PIBF1: variants seen among roughly 807,000 people sequenced by gnomAD.
The protein encoded by PIBF1 is progesterone immunomodulatory binding factor 1, also known as progesterone-induced-blocking factor 1.
A neutral mutation model predicts 112.5 loss-of-function variants in PIBF1; 90 were observed. The observed-to-expected ratio is 0.80, with a 90% CI of 0.67 to 0.95. PIBF1 has a LOEUF of 0.95. Among genes scored for constraint, PIBF1 ranks in the 40% least tolerant of loss-of-function variants. The probability of loss-of-function intolerance (pLI) is 0.00; values close to 1 mark genes in which losing one functional copy is unlikely to be tolerated. For missense variants in PIBF1, 915 were observed against 852.3 expected (o/e 1.07, Z -0.92); for synonymous variants, 301 against 288.6 (o/e 1.04, Z -0.44).
chr13:72,839,784 A>AG, intron 9 of PIBF1, among the ~76,000 whole-genome samples: 1 of 152,252 alleles, frequency 6.6e-6, no homozygotes, highest in East Asian at 1.9e-4. Flanking sequence ...TGTGGTTGGT[A>AG]GGGGTAGGTT....
chr13:72,787,208 A>G (rs2034647372), intron 2 of PIBF1, among the ~76,000 whole-genome samples: 1 of 152,232 alleles, frequency 6.6e-6, no homozygotes, highest in Admixed American at 6.5e-5. Flanking sequence ...TTGTTTATGT[A>G]TAAATTGGTA....
intron 11 of PIBF1, among the ~76,000 whole-genome samples, chr13:72,902,842 G>A (rs1483826382): frequency 3.9e-5 from 6 of 151,932 alleles, no homozygotes; most frequent in Non-Finnish European, 7.4e-5. Context: ...CTTGACTATG[G>A]TTTACATGTT....
chr13:72,990,551 T>C (rs771799483), intron 16 of PIBF1, among the ~76,000 whole-genome samples: 2 of 139,450 alleles, frequency 1.4e-5, no homozygotes, highest in South Asian at 4.6e-4. Flanking sequence ...AAAAAACCTT[T>C]TAAATGAAGT....
At chr13:72,927,149 A>G (rs1487058447) in intron 13 of PIBF1, among the ~76,000 whole-genome samples, 2 of 151,800 alleles carry the variant, frequency 1.3e-5, no homozygotes, top group Non-Finnish European at 1.5e-5. Flanking sequence ...GCTTACTGCA[A>G]CCTCTGCCTC....
intron 10 of PIBF1, among the ~76,000 whole-genome samples, chr13:72,877,264 A>C (rs908204820): frequency 1.3e-5 from 2 of 152,174 alleles, no homozygotes; most frequent in African/African-American, 4.8e-5. Context: ...CTTTTTATGC[A>C]TGAATGGTTT....
At chr13:72,954,662 AGT>A (rs2042391194) in intron 14 of PIBF1, among the ~76,000 whole-genome samples, 1 of 152,102 alleles carries the variant, frequency 6.6e-6, no homozygotes, top group Non-Finnish European at 1.5e-5. Context: ...TTGCTGTGGG[AGT>A]GTGTGTTCTG....
At chr13:72,822,103 T>G in intron 6 of PIBF1, 121 bp downstream of exon 6, 1 of 836,374 alleles carries the variant, frequency 1.2e-6, no homozygotes, top group Non-Finnish European at 1.8e-6. Context: ...TTTGCACAAA[T>G]GCATGCAGTT....
chr13:72,826,113 AT>A (rs893476423), intron 6 of PIBF1, among the ~76,000 whole-genome samples: 59 of 151,836 alleles, frequency 3.9e-4, no homozygotes, highest in Admixed American at 1.6e-3. Flanking sequence ...AAATTTAAAA[AT>A]TTTTTTAATT....
chr13:72,937,308 T>C (rs1473896963), intron 14 of PIBF1, among the ~76,000 whole-genome samples: 16 of 152,230 alleles, frequency 1.1e-4, no homozygotes. Flanking sequence ...TTATTGGCTA[T>C]AACTTTGTTA....
intron 16 of PIBF1, among the ~76,000 whole-genome samples, chr13:72,993,390 G>T (rs1274871486): frequency 1.3e-5 from 2 of 152,062 alleles, no homozygotes; most frequent in East Asian, 1.9e-4. Context: ...TCAAAATCAT[G>T]AAGTAAATAA....
At chr13:72,888,781 A>G (rs990217953) in intron 10 of PIBF1, among the ~76,000 whole-genome samples, 2 of 152,094 alleles carry the variant, frequency 1.3e-5, no homozygotes, top group Non-Finnish European at 2.9e-5. Flanking sequence ...GTTTAAAAAA[A>G]AAAAACTGAT....
intron 5 of PIBF1, among the ~76,000 whole-genome samples, chr13:72,811,310 ATT>A (rs905692578): frequency 6.6e-5 from 10 of 152,168 alleles, no homozygotes; most frequent in Non-Finnish European, 1.5e-4. Flanking sequence ...CTGATTTGAA[ATT>A]TATATATTGG....
intron 11 of PIBF1, among the ~76,000 whole-genome samples, chr13:72,907,733 A>T (rs2040750918): frequency 6.6e-6 from 1 of 152,134 alleles, no homozygotes; most frequent in South Asian, 2.1e-4. Flanking sequence ...TGTATTAGAA[A>T]GCAGGTGTAA....
At chr13:72,845,305 A>G (rs960002792) in intron 9 of PIBF1, among the ~76,000 whole-genome samples, 16 of 152,156 alleles carry the variant, frequency 1.1e-4, no homozygotes, top group African/African-American at 3.4e-4. Context: ...TGTCCCTGCA[A>G]AGGACATGAT....
intron 17 of PIBF1, among the ~76,000 whole-genome samples, chr13:73,009,781 A>G (rs2139055308): frequency 6.6e-6 from 1 of 152,334 alleles, no homozygotes; most frequent in Admixed American, 6.5e-5. Context: ...CCCCAAGACA[A>G]GGTACACTTG....
At chr13:72,856,622 A>G (rs2038434112) in intron 10 of PIBF1, among the ~76,000 whole-genome samples, 1 of 152,216 alleles carries the variant, frequency 6.6e-6, no homozygotes, top group Admixed American at 6.5e-5. Context: ...CTGGGAATGT[A>G]AAACTCAAAA....
At chr13:72,898,836 G>A (rs372278662) in intron 11 of PIBF1, among the ~76,000 whole-genome samples, 58 of 141,054 alleles carry the variant, frequency 4.1e-4, no homozygotes, top group African/African-American at 1.3e-3. Context: ...CAACAAGAGC[G>A]AAACTCCATC....
rs115330455 is a variant in PIBF1, at chr13:72,783,620, A to G, written c.151A>G (p.Ile51Val). Residue 51 changes from isoleucine to valine, a missense_variant, in exon 2 of 18, where the codon ATT (isoleucine) becomes GTT (valine). Ile to Val is a conservative substitution (Grantham distance 29). Transcript: ENST00000326291. ...EGKVRITRQL[I>V]ERKELLHNIQ... ...CAAAGTCAGAATCACCAGGCAGCTA[A>G]TTGAACGAAAAGAACTACTTCATAA... The G allele has an allele frequency of 1.9e-3, 3,116 of 1,614,086 alleles. 8 individuals are homozygous for G. The highest frequency in any genetic ancestry group is 2.1e-3 in the Non-Finnish European group (2,467 of 1,179,948).
intron 14 of PIBF1, among the ~76,000 whole-genome samples, chr13:72,959,637 A>G (rs1381106249): frequency 1.3e-5 from 2 of 152,354 alleles, no homozygotes; most frequent in South Asian, 2.1e-4. Flanking sequence ...AGCAAAATGT[A>G]GTCACCTTTA....
Sources: allele counts gnomAD v4.1 joint callset (sites outside exome capture counted in the v4.1 genomes callset), GRCh38; gene constraint gnomAD v4.1.1; transcripts MANE v1.5; gene names NCBI Gene and HGNC (gene_info 2026-07-23, HGNC 2026-07-21).